The following CCDC18 variants were observed in gnomAD, a reference collection of about 807,000 sequenced individuals.
CCDC18 encodes the protein coiled-coil domain containing 18.
CCDC18 carries 157 observed loss-of-function variants against 196.0 expected under a neutral mutation model. The ratio of observed to expected loss-of-function variants is 0.80; its 90% CI spans 0.70 to 0.91. CCDC18 has a LOEUF of 0.91. Among genes scored for constraint, CCDC18 ranks in the 40% least tolerant of loss-of-function variants. The probability of loss-of-function intolerance (pLI) is 0.00; values close to 1 mark genes in which losing one functional copy is unlikely to be tolerated. For synonymous variants in CCDC18, 482 were observed against 529.2 expected (o/e 0.91, Z 1.22); for missense variants, 1,465 against 1,611.6 (o/e 0.91, Z 1.56).
intron 16 of CCDC18, among the ~76,000 whole-genome samples, chr1:93,226,047 G>A (rs1658234228): frequency 6.6e-6 from 1 of 151,898 alleles, no homozygotes; most frequent in Non-Finnish European, 1.5e-5. Context: ...CCTTTCGCAG[G>A]GCCTTGCTTC....
intron 25 of CCDC18, among the ~76,000 whole-genome samples, chr1:93,258,190 T>C (rs1479425609): frequency 2.0e-5 from 3 of 151,892 alleles, no homozygotes. Flanking sequence ...TTTATAACAA[T>C]TTTGAGTGTT....
intron 23 of CCDC18, among the ~76,000 whole-genome samples, chr1:93,249,476 T>C (rs1032264620): frequency 6.6e-6 from 1 of 152,212 alleles, no homozygotes; most frequent in African/African-American, 2.4e-5. Flanking sequence ...TGATCTTTAT[T>C]ACTGCTTTCC....
intron 25 of CCDC18, among the ~76,000 whole-genome samples, chr1:93,256,980 T>G (rs1452478805): frequency 6.6e-6 from 1 of 151,950 alleles, no homozygotes; most frequent in African/African-American, 2.4e-5. Flanking sequence ...GTAATCCCAG[T>G]ACTTTGGGAG....
chr1:93,236,664 T>TATA (rs1660109003), intron 19 of CCDC18, among the ~76,000 whole-genome samples: 1 of 152,192 alleles, frequency 6.6e-6, no homozygotes, highest in Non-Finnish European at 1.5e-5. Context: ...CTGGCACAGT[T>TATA]CCTTATACCT....
intron 23 of CCDC18, among the ~76,000 whole-genome samples, chr1:93,251,818 T>C (rs2101025545): frequency 6.6e-6 from 1 of 152,294 alleles, no homozygotes; most frequent in Middle Eastern, 3.4e-3. Flanking sequence ...CTTATATCTT[T>C]CCTCAGGTTT....
intron 14 of CCDC18, 131 bp downstream of exon 14, chr1:93,218,000 C>A: frequency 2.9e-6 from 2 of 679,578 alleles, no homozygotes; most frequent in East Asian, 2.6e-5. Context: ...AATTAGAATC[C>A]CAATCTTTCT....
At chr1:93,198,639 T>G (rs896609841) in intron 6 of CCDC18, among the ~76,000 whole-genome samples, 18 of 152,090 alleles carry the variant, frequency 1.2e-4, no homozygotes, top group Non-Finnish European at 1.5e-4. Flanking sequence ...CTACAGAAGA[T>G]ATGTATAGTC....
intron 8 of CCDC18, among the ~76,000 whole-genome samples, chr1:93,206,220 T>A (rs1235151603): frequency 3.3e-5 from 5 of 152,164 alleles, no homozygotes; most frequent in African/African-American, 7.2e-5. Context: ...AATGACTGAT[T>A]TGTCTAATTT....
chr1:93,261,340 CTCA>C (rs1191260522), intron 26 of CCDC18, among the ~76,000 whole-genome samples: 3 of 151,506 alleles, frequency 2.0e-5, no homozygotes, highest in African/African-American at 7.3e-5. Context: ...TATATACATC[CTCA>C]TATTTATTTT....
intron 28 of CCDC18, among the ~76,000 whole-genome samples, chr1:93,273,031 T>A (rs7514162): frequency 0.025 from 3,777 of 152,086 alleles, 134 homozygotes; most frequent in African/African-American, 0.081. Flanking sequence ...GAATGGAAGG[T>A]TTGATAGTGG....
chr1:93,260,953 C>CT (rs1380950694), intron 26 of CCDC18, among the ~76,000 whole-genome samples: 1 of 152,146 alleles, frequency 6.6e-6, no homozygotes, highest in Non-Finnish European at 1.5e-5. Context: ...TGAACTCATC[C>CT]TTTTTTATGG....
chr1:93,231,427 T>G (rs996261657), intron 17 of CCDC18, among the ~76,000 whole-genome samples: 3 of 152,172 alleles, frequency 2.0e-5, no homozygotes, highest in Non-Finnish European at 4.4e-5. Flanking sequence ...TATAAATTTT[T>G]ATGTTAGCTG....
At position 93,183,502 on chromosome 1, in the gene CCDC18, A is replaced by G; in HGVS notation, c.134+7A>G. 1.3e-6 allele frequency: 2 copies of G among 1,576,264 alleles called. No individual in the cohort carries two copies. Among genetic ancestry groups the G allele is most frequent in the Non-Finnish European group, 1.7e-6 (2 of 1,162,050 alleles). On this transcript the variant is annotated splice_region_variant and intron_variant, in intron 2 of 28. Coordinates refer to ENST00000690025, the MANE Select transcript of CCDC18 (RefSeq NM_001378204.1). ...TAGGGGAAGAGTTATCCAGGTAAGT[A>G]AGTAAAATCACATATAGAATTCACT... is the stretch of plus-strand genomic sequence containing the variant.
intron 5 of CCDC18, among the ~76,000 whole-genome samples, chr1:93,192,511 A>G (rs1456933418): frequency 1.3e-5 from 2 of 152,212 alleles, no homozygotes; most frequent in Non-Finnish European, 2.9e-5. Context: ...GGCTCACTGC[A>G]GCCTCAGCCT....
intron 21 of CCDC18, among the ~76,000 whole-genome samples, chr1:93,243,170 C>T (rs1430837417): frequency 4.6e-5 from 7 of 152,242 alleles, no homozygotes; most frequent in African/African-American, 1.7e-4. Context: ...AGCCCTGCCT[C>T]AGCAGCAAAC....
chr1:93,205,631 G>T lies in CCDC18; in HGVS notation c.917G>T (p.Arg306Met), dbSNP rs2101898334. The T allele has an allele frequency of 6.3e-7, 1 of 1,588,096 alleles. No homozygotes were observed. The highest frequency in any genetic ancestry group is 2.3e-5 in the East Asian group (1 of 44,376). ...CTTGAAATTCTGAAAGAGAAATTAA[G>T]GTACAGTATTCTGTTGTAGAAAAAG... is the stretch of plus-strand genomic sequence containing the variant. The part of the protein sequence containing the change: ...SELEILKEKL[R>M]QLKEENNNGK... Residue 306 changes from arginine to methionine, a missense_variant and splice_region_variant, in exon 8 of 29, where the codon AGG (arginine) becomes ATG (methionine). Arg to Met is a moderately conservative substitution (Grantham distance 91). Transcript: ENST00000690025.
chr1:93,234,728 G>T (rs918391764), intron 18 of CCDC18, among the ~76,000 whole-genome samples: 1 of 151,938 alleles, frequency 6.6e-6, no homozygotes, highest in East Asian at 1.9e-4. Context: ...CCTGGGTACT[G>T]TTTTAATTTT....
Position 93,199,101 on chromosome 1 carries a change from C to T in CCDC18, c.699-2791C>T, listed in dbSNP as rs539525978. ...CTGTTTTGGGATCCTTGGGGTGTTG[C>T]TTCACGAGCCAGAAACCTCTGTGGC... On this transcript the variant is annotated intron_variant, in intron 6 of 28. Coordinates refer to ENST00000690025, the MANE Select transcript of CCDC18 (RefSeq NM_001378204.1). 7.2e-5 allele frequency among the ~76,000 whole-genome samples: 11 copies of T among 152,328 alleles called. No homozygotes were observed. In the South Asian group the frequency reaches 2.1e-3, roughly 29 times the overall value.
At chr1:93,247,963 T>G (rs1489448158) in intron 23 of CCDC18, among the ~76,000 whole-genome samples, 1 of 151,960 alleles carries the variant, frequency 6.6e-6, no homozygotes, top group African/African-American at 2.4e-5. Flanking sequence ...CCTATGATAT[T>G]AACTATGGGT....
Sources: allele counts gnomAD v4.1 joint callset (sites outside exome capture counted in the v4.1 genomes callset), GRCh38; gene constraint gnomAD v4.1.1; transcripts MANE v1.5; gene names NCBI Gene and HGNC (gene_info 2026-07-23, HGNC 2026-07-21).